ZBTB16: variants seen among roughly 807,000 people sequenced by gnomAD.
The protein encoded by ZBTB16 is zinc finger and BTB domain containing 16, also known as zinc finger and BTB domain-containing protein 16.
Under a neutral mutation model 56.8 loss-of-function variants are expected in ZBTB16, and 8 were observed. The observed-to-expected ratio is 0.14, with a 90% CI of 0.08 to 0.25. The LOEUF (loss-of-function observed/expected upper bound fraction) is 0.25. ZBTB16 is among the 10% of genes least tolerant of loss of function. ZBTB16 has a pLI of 1.00. For synonymous variants in ZBTB16, 363 were observed against 368.5 expected (o/e 0.98, Z 0.17); for missense variants, 625 against 903.0 (o/e 0.69, Z 3.95).
At chr11:114,239,414 A>G (rs1005866280) in intron 4 of ZBTB16, among the ~76,000 whole-genome samples, 3 of 152,190 alleles carry the variant, frequency 2.0e-5, no homozygotes, top group East Asian at 3.9e-4. Flanking sequence ...GTGGGGGTTA[A>G]GGGCAGAGAG....
chr11:114,107,937 G>T (rs887720135), intron 2 of ZBTB16, among the ~76,000 whole-genome samples: 1 of 150,970 alleles, frequency 6.6e-6, no homozygotes, highest in African/African-American at 2.4e-5. Context: ...TAAAGCCTGT[G>T]TTCCTTATAG....
At chr11:114,205,261 T>C (rs2135114998) in intron 4 of ZBTB16, among the ~76,000 whole-genome samples, 1 of 151,968 alleles carries the variant, frequency 6.6e-6, no homozygotes, top group East Asian at 1.9e-4. Flanking sequence ...TACAAAAAAA[T>C]TAGCCGGGCG....
At position 114,059,918 on chromosome 11, in the gene ZBTB16, C is replaced by G; in HGVS notation, c.-91+36C>G. On this transcript the variant is annotated intron_variant, in intron 1 of 6. Transcript: ENST00000335953. The surrounding 1 kb of genome is among the most constrained non-coding windows in gnomAD (Gnocchi z 5.3). ...GGCCGGGAAGAGGCGCACCGCCCAGCGAGCGCCGCGCGCCGGGGCTTCCCG... is the reference window on the plus strand; with the variant it reads ...GGCCGGGAAGAGGCGCACCGCCCAGGGAGCGCCGCGCGCCGGGGCTTCCCG... 2.6e-6 allele frequency: 1 copy of G among 390,504 alleles called. No homozygotes were observed. The highest frequency in any genetic ancestry group is 4.5e-6 in the Non-Finnish European group (1 of 221,324). 24.2% of individuals were successfully genotyped at this position (390,504 alleles called of 1,614,324 possible).
intron 2 of ZBTB16, among the ~76,000 whole-genome samples, chr11:114,148,420 C>CTGT (rs1942181630): frequency 2.2e-5 from 1 of 44,972 alleles, no homozygotes; most frequent in African/African-American, 1.4e-4. Flanking sequence ...TCCCTCCCTC[C>CTGT]CTCCCTCTCT....
At chr11:114,081,129 T>G (rs960601977) in intron 2 of ZBTB16, among the ~76,000 whole-genome samples, 5 of 152,182 alleles carry the variant, frequency 3.3e-5, no homozygotes, top group Non-Finnish European at 5.9e-5. Context: ...ACTGCCCAGG[T>G]CTGTTCTCTG....
chr11:114,198,238 AGCT>A (rs916682407), intron 4 of ZBTB16, among the ~76,000 whole-genome samples: 2 of 152,216 alleles, frequency 1.3e-5, no homozygotes, highest in African/African-American at 2.4e-5. Context: ...AACATGAGAA[AGCT>A]CAGGCTGAAG....
intron 2 of ZBTB16, among the ~76,000 whole-genome samples, chr11:114,086,853 T>C (rs1177621687): frequency 6.6e-6 from 1 of 152,200 alleles, no homozygotes; most frequent in African/African-American, 2.4e-5. Flanking sequence ...GCAAAAGTAA[T>C]TGCTATTTTA....
intron 2 of ZBTB16, among the ~76,000 whole-genome samples, chr11:114,066,257 G>A (rs754961547): frequency 1.3e-5 from 2 of 152,272 alleles, no homozygotes; most frequent in Admixed American, 6.5e-5. Context: ...CTGCCTCCTC[G>A]ACAGCTCAGA....
chr11:114,125,263 C>T lies in ZBTB16; in HGVS notation c.1269-31074C>T, dbSNP rs568651747. Among the ~76,000 whole-genome samples, 3 of 152,352 alleles carry T rather than the reference C, an allele frequency of 2.0e-5. No individual in the cohort carries two copies. The South Asian group carries it at 6.2e-4, about 32-fold the overall frequency. On this transcript the variant is annotated intron_variant, in intron 2 of 6. Transcript: ENST00000335953. ...TTTATTTTTATGAAATAATTTCAAG[C>T]TTACAGAAAAGTTTCAAGAATAATA...
At chr11:114,104,968 G>A (rs2137763349) in intron 2 of ZBTB16, among the ~76,000 whole-genome samples, 1 of 152,176 alleles carries the variant, frequency 6.6e-6, no homozygotes, top group African/African-American at 2.4e-5. Context: ...CGTGGTACTT[G>A]CCTTTTCCTG....
intron 2 of ZBTB16, among the ~76,000 whole-genome samples, chr11:114,103,822 C>T (rs1328177683): frequency 1.3e-5 from 2 of 152,168 alleles, no homozygotes; most frequent in African/African-American, 4.8e-5. Context: ...CTATTTCAAA[C>T]AGAGGTGTGG....
chr11:114,191,045 A>G (rs1206757014), intron 4 of ZBTB16, among the ~76,000 whole-genome samples: 1 of 152,182 alleles, frequency 6.6e-6, no homozygotes, highest in Non-Finnish European at 1.5e-5. Context: ...AGGGAGAAGC[A>G]GCTGCACACT....
intron 3 of ZBTB16, among the ~76,000 whole-genome samples, chr11:114,174,702 A>G (rs1178109827): frequency 6.6e-6 from 1 of 152,224 alleles, no homozygotes; most frequent in African/African-American, 2.4e-5. Context: ...GCTGTCACAA[A>G]TGTGATAATC....
Position 114,082,288 on chromosome 11 carries a change from C to CACA in ZBTB16, c.1268+17736_1268+17738dup, listed in dbSNP as rs564214014. Reference sequence around the variant, plus strand: ...AAGTGAGACCCTATCTCTATTTCAACACAACAACAACAACAACAGCAACAC... The same window carrying CACA: ...AAGTGAGACCCTATCTCTATTTCAACACAACAACAACAACAACAACAGCAACAC... On this transcript the variant is annotated intron_variant, in intron 2 of 6. Coordinates refer to ENST00000335953, the MANE Select transcript of ZBTB16 (RefSeq NM_006006.6). Among the ~76,000 whole-genome samples the CACA allele has an allele frequency of 3.7e-3, 556 of 151,630 alleles. 7 individuals carry two copies. Among genetic ancestry groups the CACA allele is most frequent in the African/African-American group, 0.013 (530 of 41,352 alleles).
chr11:114,200,387 A>C (rs1177187100), intron 4 of ZBTB16, among the ~76,000 whole-genome samples: 1 of 152,168 alleles, frequency 6.6e-6, no homozygotes, highest in Non-Finnish European at 1.5e-5. Flanking sequence ...ACTGTTCTAG[A>C]AATTGGAGGG....
intron 4 of ZBTB16, among the ~76,000 whole-genome samples, chr11:114,192,318 A>G (rs767646074): frequency 6.6e-6 from 1 of 152,124 alleles, no homozygotes; most frequent in Non-Finnish European, 1.5e-5. Context: ...CTTCTACCAT[A>G]TTTCATCAAT....
chr11:114,165,866 T>C (rs1200053413), intron 3 of ZBTB16, among the ~76,000 whole-genome samples: 2 of 152,178 alleles, frequency 1.3e-5, no homozygotes, highest in African/African-American at 2.4e-5. Context: ...ACATCTGTGC[T>C]CACAGGCCTC....
At position 114,143,894 on chromosome 11, in the gene ZBTB16, C is replaced by T. The variant is rs777544974; in HGVS notation, c.1269-12443C>T. Among the ~76,000 whole-genome samples, 4 of 152,002 alleles carry T rather than the reference C, an allele frequency of 2.6e-5. No homozygotes were observed. Among genetic ancestry groups the T allele is most frequent in the Non-Finnish European group, 4.4e-5 (3 of 67,996 alleles). ...GAAAGTGTGGATGTTTCCAGAGAGC[C>T]GCTGCTTGGCCTCTGTGCTCGTTGG... On this transcript the variant is annotated intron_variant, in intron 2 of 6. Transcript: ENST00000335953. This position sits in a 1 kb window ranked among gnomAD's most constrained non-coding sequence, Gnocchi z 6.4.
chr11:114,187,216 C>T, intron 4 of ZBTB16, 178 bp downstream of exon 4: 1 of 711,664 alleles, frequency 1.4e-6, no homozygotes, highest in South Asian at 1.5e-5. Context: ...GTGGCTGGCC[C>T]AGCAGAAGTT....
Sources: gnomAD v4.1 joint callset for allele counts (sites outside exome capture counted in the v4.1 genomes callset) on GRCh38, gnomAD v4.1.1 for gene constraint, Gnocchi (gnomAD v3.1) non-coding constraint, MANE v1.5 for transcripts, NCBI Gene and HGNC (gene_info 2026-07-23, HGNC 2026-07-21) for gene names.